The following CSMD1 variants were observed in gnomAD, a reference collection of about 807,000 sequenced individuals.
The protein encoded by CSMD1 is CUB and sushi domain-containing protein 1.
A neutral mutation model predicts 417.5 loss-of-function variants in CSMD1; 213 were observed. The observed-to-expected ratio is 0.51, with a 90% CI of 0.46 to 0.57. The LOEUF (loss-of-function observed/expected upper bound fraction) is 0.57, where lower values mean the gene tolerates loss of function less well. Ranked by LOEUF, CSMD1 falls within the 20% of genes least tolerant of loss-of-function variation. CSMD1 has a pLI of 0.00. For synonymous variants in CSMD1, 2,862 were observed against 1,736.8 expected (o/e 1.65, Z -16.11); for missense variants, 6,923 against 4,529.7 (o/e 1.53, Z -15.17).
chr8:4,534,648 C>T (rs1193460137), intron 2 of CSMD1, among the ~76,000 whole-genome samples: 1 of 151,968 alleles, frequency 6.6e-6, no homozygotes. Flanking sequence ...GCCATGTGTG[C>T]TCAGTGTTTA....
intron 3 of CSMD1, among the ~76,000 whole-genome samples, chr8:4,121,607 T>C (rs1407350730): frequency 7.3e-6 from 1 of 136,726 alleles, no homozygotes; most frequent in Non-Finnish European, 1.6e-5. Context: ...ATCATGTGCA[T>C]AAACACCTAG....
chr8:4,463,177 C>T (rs915878412), intron 2 of CSMD1, among the ~76,000 whole-genome samples: 2 of 152,020 alleles, frequency 1.3e-5, no homozygotes, highest in African/African-American at 2.4e-5. Context: ...CCAAGAAGCC[C>T]GTATAAAAAT....
intron 11 of CSMD1, among the ~76,000 whole-genome samples, chr8:3,487,486 C>A (rs1400677360): frequency 6.6e-6 from 1 of 152,206 alleles, no homozygotes; most frequent in East Asian, 1.9e-4. Flanking sequence ...CAGGCATGAG[C>A]CACCATGCCC....
chr8:3,749,403 T>A lies in CSMD1; in HGVS notation c.931+4527A>T, dbSNP rs564227693. 2.6e-5 allele frequency among the ~76,000 whole-genome samples: 4 copies of A among 152,314 alleles called. No homozygotes were observed. In the East Asian group the frequency reaches 7.7e-4, roughly 29 times the overall value. On this transcript the variant is annotated intron_variant, in intron 6 of 69. Transcript: ENST00000635120. ...TAAGAGTAGCAACTGTAGAACAGTT[T>A]TACTTGTCAAGCAACCTTACTACTG...
At chr8:4,143,231 T>C (rs1449054896) in intron 3 of CSMD1, among the ~76,000 whole-genome samples, 1 of 151,184 alleles carries the variant, frequency 6.6e-6, no homozygotes, top group Non-Finnish European at 1.5e-5. Flanking sequence ...GTCTAAACCC[T>C]CTTATAGGGT....
chr8:3,168,155 A>G (rs1820349883), intron 37 of CSMD1, among the ~76,000 whole-genome samples: 1 of 152,164 alleles, frequency 6.6e-6, no homozygotes, highest in African/African-American at 2.4e-5. Flanking sequence ...TTAATAGAGG[A>G]GTAGCATGAA....
intron 1 of CSMD1, among the ~76,000 whole-genome samples, chr8:4,820,265 C>T (rs541178355): frequency 1.2e-4 from 19 of 152,320 alleles, no homozygotes; most frequent in African/African-American, 4.6e-4. Context: ...AAAATAAACA[C>T]TACAGACTGC....
chr8:4,291,317 A>G (rs150419260), intron 3 of CSMD1, among the ~76,000 whole-genome samples: 165 of 152,284 alleles, frequency 1.1e-3, no homozygotes, highest in Middle Eastern at 3.5e-3. Context: ...GCTAGGGATA[A>G]TGATCATAAT....
intron 12 of CSMD1, among the ~76,000 whole-genome samples, chr8:3,420,868 T>C (rs1008836279): frequency 1.3e-5 from 2 of 152,116 alleles, no homozygotes; most frequent in African/African-American, 2.4e-5. Context: ...AAATAATAAG[T>C]AAAATGCTTC....
intron 3 of CSMD1, among the ~76,000 whole-genome samples, chr8:4,083,695 A>G (rs1489511355): frequency 6.6e-6 from 1 of 152,194 alleles, no homozygotes. Flanking sequence ...TCAATTCAAG[A>G]TGGATTAAAG....
At chr8:4,295,760 AT>A (rs1797645127) in intron 3 of CSMD1, among the ~76,000 whole-genome samples, 1 of 25,066 alleles carries the variant, frequency 4.0e-5, no homozygotes, top group Non-Finnish European at 1.1e-4. Flanking sequence ...GTATATATAT[AT>A]ATATATATAT....
chr8:3,435,562 T>C (rs187744534), intron 12 of CSMD1, among the ~76,000 whole-genome samples: 2 of 152,198 alleles, frequency 1.3e-5, no homozygotes, highest in East Asian at 3.9e-4. Flanking sequence ...AGACTTCGAA[T>C]CAGCACATCT....
At chr8:4,676,246 T>C (rs1202303077) in intron 1 of CSMD1, among the ~76,000 whole-genome samples, 2 of 152,198 alleles carry the variant, frequency 1.3e-5, no homozygotes, top group African/African-American at 4.8e-5. Flanking sequence ...GTTGCTCTTC[T>C]CCTTTGCTTA....
At chr8:4,628,323 G>GAAGTCCA (rs1236304401) in intron 2 of CSMD1, among the ~76,000 whole-genome samples, 2 of 150,056 alleles carry the variant, frequency 1.3e-5, no homozygotes, top group East Asian at 3.9e-4. Flanking sequence ...TAAGTTTTAG[G>GAAGTCCA]AAGTCCAATT....
intron 6 of CSMD1, among the ~76,000 whole-genome samples, chr8:3,713,314 A>G (rs1801633694): frequency 6.6e-6 from 1 of 152,190 alleles, no homozygotes; most frequent in Non-Finnish European, 1.5e-5. Flanking sequence ...AATGTGACGA[A>G]ACCATTACTA....
At chr8:3,375,847 T>C (rs1008393797) in intron 18 of CSMD1, among the ~76,000 whole-genome samples, 3 of 152,138 alleles carry the variant, frequency 2.0e-5, no homozygotes, top group African/African-American at 7.2e-5. Context: ...TTCACACCCC[T>C]CAATCCTCCA....
intron 5 of CSMD1, among the ~76,000 whole-genome samples, chr8:3,879,759 C>T (rs1385618969): frequency 6.6e-6 from 1 of 152,128 alleles, no homozygotes; most frequent in Admixed American, 6.6e-5. Flanking sequence ...GCACGTTTTT[C>T]TATGAACTAA....
At chr8:4,363,848 CA>C (rs1801916312) in intron 3 of CSMD1, among the ~76,000 whole-genome samples, 1 of 151,930 alleles carries the variant, frequency 6.6e-6, no homozygotes, top group Admixed American at 6.6e-5. Context: ...ATCTGAAAAT[CA>C]AAACAATAGA....
chr8:4,868,509 G>A (rs1279928081), intron 1 of CSMD1, among the ~76,000 whole-genome samples: 1 of 151,848 alleles, frequency 6.6e-6, no homozygotes, highest in Non-Finnish European at 1.5e-5. Flanking sequence ...GTGCTAAAAT[G>A]ACAGTCGTAT....
Sources: gnomAD v4.1 joint callset for allele counts (sites outside exome capture counted in the v4.1 genomes callset) on GRCh38, gnomAD v4.1.1 for gene constraint, MANE v1.5 for transcripts, NCBI Gene and HGNC (gene_info 2026-07-23, HGNC 2026-07-21) for gene names.